FAAH2: variants seen among roughly 807,000 people sequenced by gnomAD.
The protein encoded by FAAH2 is fatty acid amide hydrolase 2, also known as fatty-acid amide hydrolase 2.
In FAAH2, 60 loss-of-function variants were observed where a neutral mutation model predicts 36.9. The ratio of observed to expected loss-of-function variants is 1.63; its 90% CI spans 1.32 to 2.02. The LOEUF is 2.02. FAAH2 is among the 30% of genes most tolerant of loss of function. FAAH2 has a pLI of 0.00. For synonymous variants in FAAH2, 214 were observed against 143.8 expected, an observed-to-expected ratio of 1.49 and a Z score of -3.49; for missense variants, 689 against 397.5, an observed-to-expected ratio of 1.73 and a Z score of -6.23.
At chrX:57,408,526 A>G (rs936320738) in intron 7 of FAAH2, among the ~76,000 whole-genome samples, 1 of 96,369 alleles carries the variant, frequency 1.0e-5, no homozygotes, top group African/African-American at 3.5e-5. Flanking sequence ...TTCCTTTCCA[A>G]TTTGCATGCT....
intron 8 of FAAH2, among the ~76,000 whole-genome samples, chrX:57,437,742 TTATTTATATTTA>T (rs1208279088): frequency 4.9e-5 from 5 of 103,080 alleles, no homozygotes; most frequent in Admixed American, 1.1e-4. Flanking sequence ...ATTATATATA[TTATTTATATTTA>T]TATTTATATT....
Position 57,462,836 on chromosome X carries a change from G to C in FAAH2, c.1423+14118G>C, listed in dbSNP as rs148490758. Among the ~76,000 whole-genome samples, 431 of 112,203 alleles carry C rather than the reference G, an allele frequency of 3.8e-3. 2 individuals carry two copies. The highest frequency in any genetic ancestry group is 0.014 in the African/African-American group (418 of 30,956). On this transcript the variant is annotated intron_variant, in intron 10 of 10. Transcript: ENST00000374900. ...CAATCTGGCAGGAGAAAGAAATAAA[G>C]TCTATTCAAATAGGAAGAGAGGAAG...
intron 1 of FAAH2, among the ~76,000 whole-genome samples, 188 bp downstream of exon 1, chrX:57,287,205 G>A (rs2051834801): frequency 9.0e-6 from 1 of 111,301 alleles, no homozygotes; most frequent in African/African-American, 3.3e-5. Flanking sequence ...GACATTTACT[G>A]TGGGCATGGG....
At chrX:57,475,435 A>T (rs755035126) in intron 10 of FAAH2, among the ~76,000 whole-genome samples, 1 of 112,005 alleles carries the variant, frequency 8.9e-6, no homozygotes, top group Non-Finnish European at 1.9e-5. Context: ...TTTCAGCATC[A>T]TTTATTAAAT....
At chrX:57,307,548 A>G (rs986603336) in intron 2 of FAAH2, among the ~76,000 whole-genome samples, 1 of 111,662 alleles carries the variant, frequency 9.0e-6, no homozygotes, top group African/African-American at 3.2e-5. Context: ...GAAAAGAAAC[A>G]GGTGGAATTA....
Position 57,378,673 on chromosome X carries a change from G to A in FAAH2, c.765G>A (p.Gln255=), listed in dbSNP as rs2054751836. 1 of 1,209,457 alleles carries A rather than the reference G, an allele frequency of 8.3e-7. No homozygotes were observed. Among genetic ancestry groups the A allele is most frequent in the African/African-American group, 1.8e-5 (1 of 57,131 alleles). Residue 255 remains glutamine, a synonymous_variant, in exon 6 of 11, where the codon CAG becomes CAA. Transcript: ENST00000374900. Reference sequence around the variant, plus strand: ...CAGGTGTGGTTCCCAACAAAGGTCAGTTTCCCTTGGCTGTGGGAGCCCAGG... The same window carrying A: ...CAGGTGTGGTTCCCAACAAAGGTCAATTTCCCTTGGCTGTGGGAGCCCAGG... ...PSPGVVPNKG[Q]FPLAVGAQEL...
intron 7 of FAAH2, among the ~76,000 whole-genome samples, chrX:57,387,175 T>C (rs2055045857): frequency 8.9e-6 from 1 of 111,812 alleles, no homozygotes; most frequent in Admixed American, 9.5e-5. Context: ...CTTTTTATAT[T>C]ATATGCATGA....
the FAAH2 span, among the ~76,000 whole-genome samples, chrX:57,163,379 T>C: frequency 8.9e-6 from 1 of 112,028 alleles, no homozygotes; most frequent in Admixed American, 9.4e-5. Flanking sequence ...TGAGCTGTGG[T>C]GGGCTCCACC....
At chrX:57,296,176 G>A (rs969714189) in intron 2 of FAAH2, among the ~76,000 whole-genome samples, 3 of 112,206 alleles carry the variant, frequency 2.7e-5, no homozygotes, top group Non-Finnish European at 3.8e-5. Context: ...CCTGACCCCC[G>A]AGTACCCTAA....
the FAAH2 span, among the ~76,000 whole-genome samples, chrX:57,230,190 T>A: frequency 8.9e-6 from 1 of 112,122 alleles, no homozygotes. Flanking sequence ...CCACCCAAAC[T>A]TCTGACCCAT....
rs1453667755 is a variant in FAAH2 at position 57,465,879 on chromosome X, A to G, written c.1423+17161A>G. Reference sequence around the variant, plus strand: ...GTTTTGAATTATATATAAATGTAATATATATGACAGCAATAGCACAAAGGA... The same window carrying G: ...GTTTTGAATTATATATAAATGTAATGTATATGACAGCAATAGCACAAAGGA... On this transcript the variant is annotated intron_variant, in intron 10 of 10. Coordinates refer to ENST00000374900, the MANE Select transcript of FAAH2 (RefSeq NM_174912.4). Among the ~76,000 whole-genome samples the G allele has an allele frequency of 4.5e-5, 5 of 110,354 alleles. No individual in the cohort carries two copies. In the Admixed American group the frequency reaches 4.9e-4, roughly 11 times the overall value.
intron 5 of FAAH2, among the ~76,000 whole-genome samples, chrX:57,368,415 G>C (rs2054472485): frequency 1.8e-5 from 2 of 111,125 alleles, no homozygotes; most frequent in South Asian, 7.5e-4. Flanking sequence ...CTGGTGTCCT[G>C]CCCCAAGGGG....
intron 7 of FAAH2, among the ~76,000 whole-genome samples, chrX:57,397,950 G>A (rs915453699): frequency 1.0e-4 from 11 of 108,247 alleles, no homozygotes; most frequent in South Asian, 4.1e-4. Flanking sequence ...GAGAACATGC[G>A]GTGTTTGGTT....
chrX:57,220,417 A>AACCG, the FAAH2 span, among the ~76,000 whole-genome samples: 2 of 110,443 alleles, frequency 1.8e-5, no homozygotes, highest in Non-Finnish European at 3.8e-5. Context: ...CTATTAACTC[A>AACCG]ACCGCGCTTT....
At chrX:57,339,191 T>A (rs1826228154) in intron 4 of FAAH2, among the ~76,000 whole-genome samples, 1 of 112,251 alleles carries the variant, frequency 8.9e-6, no homozygotes, top group Non-Finnish European at 1.9e-5. Flanking sequence ...TAATTCGTGC[T>A]GGGAGAACTA....
rs780870891 is a variant in FAAH2 at position 57,305,263 on chromosome X, G to A, written c.276-5330G>A. Among the ~76,000 whole-genome samples, 3 of 110,678 alleles carry A rather than the reference G, an allele frequency of 2.7e-5. No individual in the cohort carries two copies. The East Asian group carries it at 8.5e-4, about 31-fold the overall frequency. ...ACACCTCTACCAGGAAGTCACATGGGCACCAAAAGTCAAAATAATTAAAAT... is the reference window on the plus strand; with the variant it reads ...ACACCTCTACCAGGAAGTCACATGGACACCAAAAGTCAAAATAATTAAAAT... On this transcript the variant is annotated intron_variant, in intron 2 of 10. Transcript: ENST00000374900.
chrX:57,253,563 T>C, the FAAH2 span, among the ~76,000 whole-genome samples: 50,040 of 110,931 alleles, frequency 0.45, 11,225 homozygotes, highest in African/African-American at 0.88. Flanking sequence ...AAACGAACAG[T>C]GGATCTCTTG....
At chrX:57,296,835 A>G (rs1018090536) in intron 2 of FAAH2, among the ~76,000 whole-genome samples, 2 of 111,929 alleles carry the variant, frequency 1.8e-5, no homozygotes, top group Non-Finnish European at 3.8e-5. Context: ...GATTTGATCA[A>G]GTGGAAGAAA....
intron 7 of FAAH2, among the ~76,000 whole-genome samples, chrX:57,389,124 A>G (rs2055098434): frequency 9.4e-6 from 1 of 105,966 alleles, no homozygotes; most frequent in African/African-American, 3.4e-5. Context: ...AAGGAACACA[A>G]TATACTTTGC....
Sources: allele counts gnomAD v4.1 joint callset (sites outside exome capture counted in the v4.1 genomes callset), GRCh38; gene constraint gnomAD v4.1.1; transcripts MANE v1.5; gene names NCBI Gene and HGNC (gene_info 2026-07-23, HGNC 2026-07-21).